NUDCD3: variants seen among roughly 807,000 people sequenced by gnomAD.
NUDCD3 encodes nudC domain-containing protein 3.
Under a neutral mutation model 39.7 loss-of-function variants are expected in NUDCD3, and 13 were observed. The ratio of observed to expected loss-of-function variants is 0.33; its 90% CI spans 0.21 to 0.52. The LOEUF (loss-of-function observed/expected upper bound fraction) is 0.52. NUDCD3 is among the 20% of genes least tolerant of loss of function. The pLI, the probability that NUDCD3 is intolerant of heterozygous loss-of-function variation, is 0.96. For synonymous variants in NUDCD3, 175 were observed against 172.4 expected, an observed-to-expected ratio of 1.02 and a Z score of -0.12; for missense variants, 453 against 458.1, an observed-to-expected ratio of 0.99 and a Z score of 0.10.
At chr7:44,398,007 A>G (rs1798654174) in intron 4 of NUDCD3, among the ~76,000 whole-genome samples, 1 of 152,062 alleles carries the variant, frequency 6.6e-6, no homozygotes, top group African/African-American at 2.4e-5. Flanking sequence ...CAGGCACACA[A>G]CATCCACAGC....
intron 5 of NUDCD3, among the ~76,000 whole-genome samples, chr7:44,389,954 G>A (rs1024714757): frequency 6.6e-6 from 1 of 152,186 alleles, no homozygotes; most frequent in Admixed American, 6.5e-5. Context: ...AGGTATTCCT[G>A]CTATTTTGTT....
intron 2 of NUDCD3, among the ~76,000 whole-genome samples, chr7:44,442,693 CTTTTT>C (rs869244799): frequency 8.0e-6 from 1 of 124,350 alleles, no homozygotes; most frequent in African/African-American, 2.9e-5. Flanking sequence ...CTCCCCTTTT[CTTTTT>C]TTTTTTTTTT....
At chr7:44,437,448 GT>G (rs938152573) in intron 2 of NUDCD3, among the ~76,000 whole-genome samples, 2 of 151,870 alleles carry the variant, frequency 1.3e-5, no homozygotes, top group East Asian at 1.9e-4. Flanking sequence ...CTATGTTGAT[GT>G]TTTTTTTCCT....
intron 2 of NUDCD3, among the ~76,000 whole-genome samples, chr7:44,480,657 A>C (rs1478633327): frequency 6.6e-6 from 1 of 152,038 alleles, no homozygotes; most frequent in African/African-American, 2.4e-5. Flanking sequence ...ATTCCCAAAA[A>C]ATGGCCAGGC....
chr7:44,453,766 A>G (rs927662672), intron 2 of NUDCD3, among the ~76,000 whole-genome samples: 2 of 152,168 alleles, frequency 1.3e-5, no homozygotes, highest in Non-Finnish European at 2.9e-5. Flanking sequence ...AAGCTTGGCC[A>G]GGCGTGGTGG....
chr7:44,484,859 A>G, intron 2 of NUDCD3, 109 bp downstream of exon 2: 1 of 835,474 alleles, frequency 1.2e-6, no homozygotes, highest in South Asian at 1.8e-5. Flanking sequence ...AGCTAAATAA[A>G]TACTGAGATC....
intron 2 of NUDCD3, chr7:44,484,466 AGAG>A (rs1203831118): frequency 6.5e-6 from 1 of 153,632 alleles, no homozygotes. Flanking sequence ...TACATTTTAT[AGAG>A]AAGAAAACTG....
chr7:44,425,676 A>T (rs1799219916), intron 3 of NUDCD3, among the ~76,000 whole-genome samples: 1 of 152,124 alleles, frequency 6.6e-6, no homozygotes, highest in Non-Finnish European at 1.5e-5. Context: ...CCAGCCTGGG[A>T]AACAGCAGGA....
chr7:44,469,450 A>C (rs1800207214), intron 2 of NUDCD3, among the ~76,000 whole-genome samples: 1 of 152,248 alleles, frequency 6.6e-6, no homozygotes, highest in Admixed American at 6.5e-5. Context: ...GAATGATAAA[A>C]ATAGAAAATC....
rs1208213859 is a variant in NUDCD3, at chr7:44,383,944, G to C, written c.*2067C>G. The C allele has an allele frequency of 6.6e-6, 1 of 152,240 alleles. No homozygotes were observed. The highest frequency in any genetic ancestry group is 1.5e-5 in the Non-Finnish European group (1 of 68,078). The allele number at this position is 152,240 out of a possible 1,614,324, so 9.4% of individuals were successfully genotyped here. Reference sequence around the variant, plus strand: ...GGACCAGATGCAAGTGGCTGTTCCTGCCATGGGGCCAATACCCAATACTAT... The same window carrying C: ...GGACCAGATGCAAGTGGCTGTTCCTCCCATGGGGCCAATACCCAATACTAT... On this transcript the variant is annotated 3_prime_UTR_variant, in exon 6 of 6. Transcript: ENST00000355451.
chr7:44,444,918 A>G (rs1482140392), intron 2 of NUDCD3, among the ~76,000 whole-genome samples: 1 of 152,148 alleles, frequency 6.6e-6, no homozygotes, highest in Non-Finnish European at 1.5e-5. Flanking sequence ...TTACCTTCCA[A>G]TATGCCCCAC....
intron 2 of NUDCD3, among the ~76,000 whole-genome samples, chr7:44,455,704 A>G (rs1799878912): frequency 6.6e-6 from 1 of 152,186 alleles, no homozygotes; most frequent in South Asian, 2.1e-4. Context: ...GCATGTGTCT[A>G]CCTGCTCAGA....
chr7:44,446,540 C>G (rs1585084765), intron 2 of NUDCD3, among the ~76,000 whole-genome samples: 1 of 152,252 alleles, frequency 6.6e-6, no homozygotes, highest in Admixed American at 6.5e-5. Flanking sequence ...GGGCCAAGAT[C>G]CTCCAGGCAC....
chr7:44,387,489 G>A (rs1015757893), intron 5 of NUDCD3, among the ~76,000 whole-genome samples: 3 of 152,210 alleles, frequency 2.0e-5, no homozygotes, highest in African/African-American at 7.2e-5. Flanking sequence ...CTCACATGGA[G>A]TGGCTGTGGG....
chr7:44,458,929 G>A (rs1799951396), intron 2 of NUDCD3, among the ~76,000 whole-genome samples: 1 of 113,864 alleles, frequency 8.8e-6, no homozygotes, highest in Admixed American at 9.0e-5. Context: ...GGATTAGACG[G>A]GGAGTGCTGT....
intron 2 of NUDCD3, among the ~76,000 whole-genome samples, chr7:44,447,423 G>A (rs571564338): frequency 3.2e-4 from 49 of 152,296 alleles, no homozygotes; most frequent in African/African-American, 1.1e-3. Flanking sequence ...CAATGTGACG[G>A]TATTAAGAAG....
intron 2 of NUDCD3, among the ~76,000 whole-genome samples, chr7:44,448,440 G>C (rs1019985506): frequency 6.6e-6 from 1 of 152,182 alleles, no homozygotes; most frequent in African/African-American, 2.4e-5. Context: ...CGGAGAGATA[G>C]TAACTGTGAT....
At chr7:44,397,385 C>T (rs1349487861) in intron 4 of NUDCD3, among the ~76,000 whole-genome samples, 1 of 152,124 alleles carries the variant, frequency 6.6e-6, no homozygotes, top group Middle Eastern at 3.2e-3. Context: ...TGTTGGGTCA[C>T]GTGATGTCAG....
chr7:44,426,458 T>C (rs1013850181), intron 3 of NUDCD3, among the ~76,000 whole-genome samples: 1 of 152,048 alleles, frequency 6.6e-6, no homozygotes, highest in African/African-American at 2.4e-5. Context: ...AGGAAGCTTA[T>C]CCTCAGCACA....
Sources: allele counts gnomAD v4.1 joint callset (sites outside exome capture counted in the v4.1 genomes callset), GRCh38; gene constraint gnomAD v4.1.1; transcripts MANE v1.5; gene names NCBI Gene and HGNC (gene_info 2026-07-23, HGNC 2026-07-21).